The following CYREN variants were observed in gnomAD, a reference collection of about 807,000 sequenced individuals.
CYREN encodes cell cycle regulator of non-homologous end joining.
In CYREN, 7 loss-of-function variants were observed where a neutral mutation model predicts 9.7. The ratio of observed to expected loss-of-function variants is 0.72; its 90% CI spans 0.41 to 1.36. The LOEUF is 1.36. Ranked by LOEUF, CYREN falls within the 40% of genes most tolerant of loss-of-function variation. The pLI, the probability that CYREN is intolerant of heterozygous loss-of-function variation, is 0.01. For synonymous variants in CYREN, 76 were observed against 77.9 expected (o/e 0.98, Z 0.13); for missense variants, 215 against 198.1 (o/e 1.09, Z -0.51).
chr7:135,102,089 A>C (rs915567425), intron 2 of CYREN, among the ~76,000 whole-genome samples: 1 of 152,162 alleles, frequency 6.6e-6, no homozygotes, highest in East Asian at 1.9e-4. Flanking sequence ...TTCCTTTATA[A>C]ATTACCCAGT....
At chr7:135,127,550 TAAAA>T (rs34308951) in intron 2 of CYREN, among the ~76,000 whole-genome samples, 1 of 146,378 alleles carries the variant, frequency 6.8e-6, no homozygotes, top group Non-Finnish European at 1.5e-5. Context: ...AGTCTCCGTC[TAAAA>T]AAAAAAAAAA....
At chr7:135,167,519 T>C in intron 3 of CYREN, 11 of 1,418,112 alleles carry the variant, frequency 7.8e-6, no homozygotes, top group Non-Finnish European at 9.2e-6. Flanking sequence ...ACGCATGCCC[T>C]CCCAGGCTTC....
chr7:135,164,080 G>A (rs1217101844), downstream of CYREN, among the ~76,000 whole-genome samples: 1 of 152,210 alleles, frequency 6.6e-6, no homozygotes, highest in Non-Finnish European at 1.5e-5. Context: ...AAAGATCTGA[G>A]AAATCCCCTC....
At position 135,134,864 on chromosome 7, in the gene CYREN, A is replaced by C. The variant is rs768611754; in HGVS notation, n.356+33885T>G. 24 of 1,549,608 alleles carry C rather than the reference A, an allele frequency of 1.5e-5. No homozygotes were observed. The African/African-American group carries it at 3.0e-4, about 19-fold the overall frequency. ...AGACTAAATCCGGCTACTTGCAGAA[A>C]TATAAAGAAATACAGCACATCTTGG... On this transcript the variant is annotated intron_variant and non_coding_transcript_variant, in intron 2 of 2. Coordinates refer to the CYREN transcript ENST00000459937.
intron 2 of CYREN, among the ~76,000 whole-genome samples, chr7:135,111,961 T>C (rs541485299): frequency 1.3e-5 from 2 of 152,162 alleles, no homozygotes; most frequent in East Asian, 2.0e-4. Flanking sequence ...TTCTATTCAA[T>C]GTGTCCACTT....
chr7:135,131,130 G>C (rs1339309885), intron 2 of CYREN, among the ~76,000 whole-genome samples: 1 of 151,706 alleles, frequency 6.6e-6, no homozygotes, highest in Non-Finnish European at 1.5e-5. Flanking sequence ...CTTGTAATTA[G>C]AAAAAAAAGG....
chr7:135,151,245 C>CT lies in CYREN; in HGVS notation n.356+17503dup. 6.6e-6 allele frequency among the ~76,000 whole-genome samples: 1 copy of CT among 152,230 alleles called. No individual in the cohort carries two copies. The highest frequency in any genetic ancestry group is 1.5e-5 in the Non-Finnish European group (1 of 68,046). ...GGTGAAATCCAGGAGCTGCCACCAC[C>CT]TACACACTGTTGAAAAACACTGCAG... On this transcript the variant is annotated intron_variant and non_coding_transcript_variant, in intron 2 of 2. Coordinates refer to the CYREN transcript ENST00000459937. This position sits in a 1 kb window ranked among gnomAD's most constrained non-coding sequence, Gnocchi z 4.3.
chr7:135,168,888 A>G lies in CYREN; in HGVS notation c.35T>C (p.Val12Ala). 6.2e-7 allele frequency: 1 copy of G among 1,612,450 alleles called. No homozygotes were observed. The highest frequency in any genetic ancestry group is 8.5e-7 in the Non-Finnish European group (1 of 1,179,302). The change falls in exon 2 of 4, where the codon GTC (valine) becomes GCC (alanine). Residue 12 changes from valine to alanine, a missense_variant. Val to Ala is a moderately conservative substitution (Grantham distance 64). Transcript: ENST00000393114. ...CTGGGCTGTCAGCCATGAGGGAAGG[A>G]CCCTCGTTTTAGTCTCGGATTGTAA... ...ETLQSETKTR[V>A]LPSWLTAQVA...
upstream of CYREN, among the ~76,000 whole-genome samples, chr7:135,171,060 G>A (rs117304178): frequency 0.012 from 1,764 of 152,242 alleles, 112 homozygotes; most frequent in East Asian, 0.19. Context: ...CTCCCTGCTG[G>A]GCCAGGCCCC....
At chr7:135,164,821 T>G (rs781284369), downstream of CYREN, 7 of 1,614,102 alleles carry the variant, frequency 4.3e-6, no homozygotes, top group Middle Eastern at 4.9e-4. Flanking sequence ...TCTGTGCTGC[T>G]GGCAGGCGGC....
intron 2 of CYREN, chr7:135,134,966 C>G: frequency 1.3e-6 from 2 of 1,551,062 alleles, no homozygotes; most frequent in South Asian, 1.2e-5. Context: ...CAGTCTAAGC[C>G]CCACAGGTCA....
chr7:135,109,237 TGAAGGACATAA>T (rs1825239010), intron 2 of CYREN, among the ~76,000 whole-genome samples: 1 of 152,240 alleles, frequency 6.6e-6, no homozygotes, highest in Non-Finnish European at 1.5e-5. Context: ...TGCAGTCATT[TGAAGGACATAA>T]GACACTTGGG....
At chr7:135,123,135 G>A (rs1167727122) in intron 2 of CYREN, among the ~76,000 whole-genome samples, 1 of 152,184 alleles carries the variant, frequency 6.6e-6, no homozygotes, top group Non-Finnish European at 1.5e-5. Context: ...ATGCAAAGAA[G>A]CTAAGAACGT....
chr7:135,101,945 T>A (rs1241411121), intron 2 of CYREN, among the ~76,000 whole-genome samples: 1 of 152,120 alleles, frequency 6.6e-6, no homozygotes, highest in Non-Finnish European at 1.5e-5. Context: ...ATCCGTTGGT[T>A]TTATAAGGGG....
chr7:135,133,022 A>G (rs1828994794), intron 2 of CYREN, among the ~76,000 whole-genome samples: 1 of 152,028 alleles, frequency 6.6e-6, no homozygotes, highest in Admixed American at 6.6e-5. Context: ...TTCTCTATGT[A>G]GAAAATCCTA....
chr7:135,139,456 T>TTCA (rs1829413932), intron 2 of CYREN, among the ~76,000 whole-genome samples: 1 of 151,498 alleles, frequency 6.6e-6, no homozygotes, highest in African/African-American at 2.4e-5. Flanking sequence ...TGTTACGTTT[T>TTCA]TTATAGATTC....
At chr7:135,128,455 C>G in intron 2 of CYREN, 2 of 731,236 alleles carry the variant, frequency 2.7e-6, no homozygotes, top group East Asian at 5.0e-5. Flanking sequence ...GTCAGAAGAC[C>G]AAGAAGCTCA....
At chr7:135,128,769 T>G (rs1828317248) in intron 2 of CYREN, 1 of 1,321,708 alleles carries the variant, frequency 7.6e-7, no homozygotes, top group Non-Finnish European at 1.1e-6. Context: ...CAGAGCTAGA[T>G]TTTGGAGGAA....
intron 2 of CYREN, among the ~76,000 whole-genome samples, chr7:135,096,592 G>GATAGATAGATAGATAC (rs1822828609): frequency 7.0e-6 from 1 of 143,368 alleles, no homozygotes; most frequent in Admixed American, 7.2e-5. Flanking sequence ...TACATAGATA[G>GATAGATAGATAGATAC]ATAGATAGAT....
Sources: gnomAD v4.1 joint callset for allele counts (sites outside exome capture counted in the v4.1 genomes callset) on GRCh38, gnomAD v4.1.1 for gene constraint, Gnocchi (gnomAD v3.1) non-coding constraint, MANE v1.5 for transcripts, NCBI Gene and HGNC (gene_info 2026-07-23, HGNC 2026-07-21) for gene names.